The following ACTN1 variants were observed in gnomAD, a reference collection of about 807,000 sequenced individuals.
ACTN1 encodes the protein alpha-actinin-1.
In ACTN1, 30 loss-of-function variants were observed where a neutral mutation model predicts 119.6. The observed-to-expected ratio is 0.25, with a 90% CI of 0.19 to 0.34. The LOEUF is 0.34. Among genes scored for constraint, ACTN1 ranks in the 10% least tolerant of loss-of-function variants. The pLI is 1.00. For missense variants in ACTN1, 764 were observed against 1,223.4 expected, an observed-to-expected ratio of 0.62 and a Z score of 5.60; for synonymous variants, 429 against 472.6, an observed-to-expected ratio of 0.91 and a Z score of 1.20.
intron 1 of ACTN1, among the ~76,000 whole-genome samples, chr14:68,955,039 C>A (rs950156047): frequency 1.3e-5 from 2 of 152,198 alleles, no homozygotes; most frequent in Non-Finnish European, 2.9e-5. Flanking sequence ...GCTCCCCTGG[C>A]AGCCTCCATG....
At position 68,880,694 on chromosome 14, in the gene ACTN1, G is replaced by T. The variant is rs1293196621; in HGVS notation, c.2133+116C>A. 5 of 1,075,116 alleles carry T rather than the reference G, an allele frequency of 4.7e-6. No individual in the cohort carries two copies. The Admixed American group carries it at 1.1e-4, about 24-fold the overall frequency. 66.6% of individuals were successfully genotyped at this position (1,075,116 alleles called of 1,614,324 possible). On this transcript the variant is annotated intron_variant, in intron 17 of 21. Coordinates refer to ENST00000394419, the MANE Select transcript of ACTN1 (RefSeq NM_001130004.2). The surrounding 1 kb of genome is among the most constrained non-coding windows in gnomAD (Gnocchi z 4.6). The stretch of plus-strand genomic sequence containing the variant: ...AAAATTGAAGATGTGAGGCTTCAGG[G>T]GTGAAGTTAATTTATCCTCCAACTA...
rs557375931 is a variant in ACTN1 at position 68,957,215 on chromosome 14, A to G, written c.105+21737T>C. The stretch of plus-strand genomic sequence containing the variant: ...CATCGAGCATCTATCTTGAAGGCAC[A>G]TCTCTAACAGAGTCTGTCTGAGAGT... On this transcript the variant is annotated intron_variant, in intron 1 of 21. Transcript: ENST00000394419. Among the ~76,000 whole-genome samples, 3 of 152,324 alleles carry G rather than the reference A, an allele frequency of 2.0e-5. No homozygotes were observed. The South Asian group carries it at 6.2e-4, about 32-fold the overall frequency.
At chr14:68,975,792 A>G (rs567616552) in intron 1 of ACTN1, among the ~76,000 whole-genome samples, 1 of 152,320 alleles carries the variant, frequency 6.6e-6, no homozygotes, top group African/African-American at 2.4e-5. Flanking sequence ...CGACCAGCCC[A>G]TGAACTCCGT....
intron 1 of ACTN1, among the ~76,000 whole-genome samples, chr14:68,943,670 G>T (rs2140501278): frequency 6.6e-6 from 1 of 152,328 alleles, no homozygotes; most frequent in Non-Finnish European, 1.5e-5. Flanking sequence ...GTTGCTCAAA[G>T]ATGTTGGCTA....
intron 6 of ACTN1, among the ~76,000 whole-genome samples, chr14:68,906,074 G>GGA (rs1555349639): frequency 0.01 from 1,570 of 152,062 alleles, 25 homozygotes; most frequent in African/African-American, 0.035. Context: ...AGAGGCCGGG[G>GGA]GGGCAGGAAA....
chr14:68,890,202 G>A lies in ACTN1; in HGVS notation c.1171C>T (p.Arg391Ter). The stretch of plus-strand genomic sequence containing the variant: ...AACTTCTCTGCCAGGTGGTCCAGTC[G>A]CTCCAGCCTCCGGATCTCATTCAGC... The part of the protein sequence containing the change: ...WLLNEIRRLE[R>*]LDHLAEKFRQ... The change falls in exon 11 of 22, where the codon CGA (arginine) becomes TGA (stop). Residue 391 changes from arginine to a stop codon, truncating the protein, a stop_gained. Coordinates refer to ENST00000394419, the MANE Select transcript of ACTN1 (RefSeq NM_001130004.2). LOFTEE classifies it high-confidence loss of function. 2 of 1,614,150 alleles carry A rather than the reference G, an allele frequency of 1.2e-6. No homozygotes were observed. Among genetic ancestry groups the A allele is most frequent in the East Asian group, 2.2e-5 (1 of 44,872 alleles).
In ACTN1 at chr14:68,878,338, T is replaced by C; in HGVS notation, c.2427+120A>G. The C allele has an allele frequency of 7.2e-7, 1 of 1,395,070 alleles. No homozygotes were observed. Among genetic ancestry groups the C allele is most frequent in the Non-Finnish European group, 9.5e-7 (1 of 1,053,426 alleles). The allele number at this position is 1,395,070 out of a possible 1,614,324, so 86.4% of individuals were successfully genotyped here. Reference sequence around the variant, plus strand: ...TCCCCAAGGACATGGGCCCTGGGGCTCCTCCAGGGAGGGCAGCCCCTAGCC... The same window carrying C: ...TCCCCAAGGACATGGGCCCTGGGGCCCCTCCAGGGAGGGCAGCCCCTAGCC... On this transcript the variant is annotated intron_variant, in intron 20 of 21. Transcript: ENST00000394419. This position sits in a 1 kb window ranked among gnomAD's most constrained non-coding sequence, Gnocchi z 4.4.
At chr14:68,884,975 G>A (rs182829309) in intron 12 of ACTN1, 92 bp from the exon 13 acceptor site, 770 of 1,119,786 alleles carry the variant, frequency 6.9e-4, no homozygotes, top group Non-Finnish European at 9.3e-4. Context: ...GGTGGCTGGT[G>A]GTGCTGGGAA....
intron 20 of ACTN1, 195 bp from the exon 21 acceptor site, chr14:68,877,435 C>A: frequency 1.7e-6 from 1 of 585,834 alleles, no homozygotes; most frequent in East Asian, 2.9e-5. Flanking sequence ...TCAGGGTTCC[C>A]CACACCCTGC....
intron 1 of ACTN1, among the ~76,000 whole-genome samples, chr14:68,950,462 G>GTGTGTGTGTGTGTGTATATATATATA: frequency 1.3e-4 from 16 of 125,912 alleles, no homozygotes; most frequent in African/African-American, 4.9e-4. Flanking sequence ...ATGCGTGTGT[G>GTGTGTGTGTGTGTGTATATATATATA]TATATATATA....
intron 8 of ACTN1, among the ~76,000 whole-genome samples, chr14:68,899,584 C>G (rs957551883): frequency 1.3e-5 from 2 of 151,964 alleles, no homozygotes; most frequent in African/African-American, 4.8e-5. Context: ...ATACATACCT[C>G]AAACCACACA....
rs768154024 is a variant in ACTN1, at chr14:68,885,557, C to T, written c.1253G>A (p.Arg418Gln). Reference sequence around the variant, plus strand: ...GGTGGCGGTCTCATAGTCCTTCTGTCGCAGCATGGCCTCTTTGCCTGGGTT... The same window carrying T: ...GGTGGCGGTCTCATAGTCCTTCTGTTGCAGCATGGCCTCTTTGCCTGGGTT... ...AWTDGKEAML[R>Q]QKDYETATLS... Residue 418 changes from arginine to glutamine, a missense_variant, in exon 12 of 22, where the codon CGA (arginine) becomes CAA (glutamine). Transcript: ENST00000394419. The surrounding 1 kb of genome is among the most constrained non-coding windows in gnomAD (Gnocchi z 5.6). The T allele has an allele frequency of 6.2e-6, 10 of 1,613,580 alleles. No homozygotes were observed. The highest frequency in any genetic ancestry group is 2.2e-5 in the East Asian group (1 of 44,878).
chr14:68,925,519 AAT>A lies in ACTN1; in HGVS notation c.220+37_220+38del. On this transcript the variant is annotated intron_variant, in intron 2 of 21. Transcript: ENST00000394419. This position sits in a 1 kb window ranked among gnomAD's most constrained non-coding sequence, Gnocchi z 4.3. ...AGATGCCAAGGTGTCAGGCAGCACCAATAGACAGTATCTCGTCCTGGGCCAGG... is the reference window on the plus strand; with the variant it reads ...AGATGCCAAGGTGTCAGGCAGCACCAAGACAGTATCTCGTCCTGGGCCAGG... 6.4e-7 allele frequency: 1 copy of A among 1,557,706 alleles called. No individual in the cohort carries two copies. The highest frequency in any genetic ancestry group is 8.8e-7 in the Non-Finnish European group (1 of 1,135,416).
intron 3 of ACTN1, among the ~76,000 whole-genome samples, chr14:68,914,867 G>C (rs997833384): frequency 7.2e-5 from 11 of 152,118 alleles, no homozygotes; most frequent in Middle Eastern, 3.2e-3. Flanking sequence ...GTGTAAATTG[G>C]TTTAAAAAAC....
At chr14:68,893,304 C>A (rs2032636556) in intron 9 of ACTN1, among the ~76,000 whole-genome samples, 1 of 152,300 alleles carries the variant, frequency 6.6e-6, no homozygotes, top group South Asian at 2.1e-4. Context: ...CTCTTAGAAC[C>A]AGATGTGCTC....
At chr14:68,905,820 C>T (rs539257615) in intron 6 of ACTN1, among the ~76,000 whole-genome samples, 6 of 151,986 alleles carry the variant, frequency 3.9e-5, no homozygotes, top group African/African-American at 1.2e-4. Flanking sequence ...GGTGACACCC[C>T]GTGTCTGCTA....
At chr14:68,924,309 C>G (rs1449595577) in intron 2 of ACTN1, among the ~76,000 whole-genome samples, 3 of 152,076 alleles carry the variant, frequency 2.0e-5, no homozygotes, top group African/African-American at 7.2e-5. Context: ...CAGGTTTTAT[C>G]TGAAAGTAGA....
At chr14:68,910,980 A>AC (rs2033973943) in intron 4 of ACTN1, among the ~76,000 whole-genome samples, 1 of 152,164 alleles carries the variant, frequency 6.6e-6, no homozygotes, top group South Asian at 2.1e-4. Flanking sequence ...TTTATAAATT[A>AC]CCCAGTCTCG....
In ACTN1 at chr14:68,880,094, G is replaced by A. The variant is rs2031353656; in HGVS notation, c.2148C>T (p.Gly716=). 4 of 1,613,948 alleles carry A rather than the reference G, an allele frequency of 2.5e-6. No homozygotes were observed. The highest frequency in any genetic ancestry group is 2.5e-6 in the Non-Finnish European group (3 of 1,179,962). The part of the protein sequence containing the change: ...TNYTMEHIRV[G]WEQLLTTIAR... Reference sequence around the variant, plus strand: ...CGATGGTGGTGAGCAGCTGCTCCCAGCCCACACGGATGTGCTGCAGGACGG... The same window carrying A: ...CGATGGTGGTGAGCAGCTGCTCCCAACCCACACGGATGTGCTGCAGGACGG... Residue 716 remains glycine (G), a synonymous_variant, in exon 18 of 22, where the codon GGC becomes GGT. Transcript: ENST00000394419. This position sits in a 1 kb window ranked among gnomAD's most constrained non-coding sequence, Gnocchi z 4.6.
Sources: gnomAD v4.1 joint callset for allele counts (sites outside exome capture counted in the v4.1 genomes callset) on GRCh38, gnomAD v4.1.1 for gene constraint, Gnocchi (gnomAD v3.1) non-coding constraint, MANE v1.5 for transcripts, NCBI Gene and HGNC (gene_info 2026-07-23, HGNC 2026-07-21) for gene names.